Variants in SOHLH2 observed in about 807,000 individuals in gnomAD.
SOHLH2 encodes the protein spermatogenesis- and oogenesis-specific basic helix-loop-helix-containing protein 2.
Under a neutral mutation model 50.4 loss-of-function variants are expected in SOHLH2, and 22 were observed. The observed-to-expected ratio is 0.44, with a 90% CI of 0.31 to 0.62. The LOEUF (loss-of-function observed/expected upper bound fraction) is 0.62. Among genes scored for constraint, SOHLH2 ranks in the 20% least tolerant of loss-of-function variants. The pLI, the probability that SOHLH2 is intolerant of heterozygous loss-of-function variation, is 0.08. For synonymous variants in SOHLH2, 185 were observed against 187.3 expected (o/e 0.99, Z 0.10); for missense variants, 412 against 504.4 (o/e 0.82, Z 1.76).
At chr13:36,198,120 AT>A (rs1887787781) in intron 2 of SOHLH2, among the ~76,000 whole-genome samples, 1 of 152,218 alleles carries the variant, frequency 6.6e-6, no homozygotes, top group Non-Finnish European at 1.5e-5. Context: ...TTAAAGCTAC[AT>A]GGGGAAGAAA....
intron 10 of SOHLH2, 77 bp downstream of exon 10, chr13:36,170,454 C>T (rs978308300): frequency 3.5e-5 from 53 of 1,521,572 alleles, no homozygotes; most frequent in Middle Eastern, 2.4e-4. Context: ...AGAGTAGCAA[C>T]AACAAATGCA....
At chr13:36,188,158 G>GGAC (rs1203611759) in intron 6 of SOHLH2, among the ~76,000 whole-genome samples, 1 of 152,180 alleles carries the variant, frequency 6.6e-6, no homozygotes, top group African/African-American at 2.4e-5. Flanking sequence ...CCTCCTGACT[G>GGAC]GACCATCCAC....
intron 6 of SOHLH2, among the ~76,000 whole-genome samples, chr13:36,188,942 A>C (rs1887501390): frequency 6.6e-6 from 1 of 152,196 alleles, no homozygotes; most frequent in Admixed American, 6.5e-5. Context: ...TCTGCACTCC[A>C]AGAGGTATTC....
Position 36,202,097 on chromosome 13 carries a change from A to C in SOHLH2, c.49-4T>G. 6.2e-7 allele frequency: 1 copy of C among 1,614,040 alleles called. No individual in the cohort carries two copies. The highest frequency in any genetic ancestry group is 8.5e-7 in the Non-Finnish European group (1 of 1,179,986). ...CTAATAAGATGTCTATTTTTGCCTGAAAGAGAAGGAAGCAGAGGCGTCACA... is the reference window on the plus strand; with the variant it reads ...CTAATAAGATGTCTATTTTTGCCTGCAAGAGAAGGAAGCAGAGGCGTCACA... On this transcript the variant is annotated splice_polypyrimidine_tract_variant and splice_region_variant and intron_variant, in intron 1 of 10. Coordinates refer to ENST00000379881, the MANE Select transcript of SOHLH2 (RefSeq NM_017826.3).
At chr13:36,213,688 C>T (rs983535310) in intron 1 of SOHLH2, among the ~76,000 whole-genome samples, 1 of 152,114 alleles carries the variant, frequency 6.6e-6, no homozygotes, top group Admixed American at 6.5e-5. Flanking sequence ...GAGAGGCCAG[C>T]GGGCTTTTTG....
At chr13:36,200,373 A>G (rs570920650) in intron 2 of SOHLH2, among the ~76,000 whole-genome samples, 1 of 152,192 alleles carries the variant, frequency 6.6e-6, no homozygotes, top group East Asian at 1.9e-4. Flanking sequence ...GTAGAAAGCC[A>G]AAAGAAATGC....
At chr13:36,195,110 C>T (rs538668665) in intron 2 of SOHLH2, among the ~76,000 whole-genome samples, 1 of 152,014 alleles carries the variant, frequency 6.6e-6, no homozygotes, top group South Asian at 2.1e-4. Flanking sequence ...AGACATTAAA[C>T]GAATCATTAT....
At chr13:36,193,783 T>A (rs1298029721) in intron 3 of SOHLH2, 23 bp downstream of exon 3, 11 of 1,603,130 alleles carry the variant, frequency 6.9e-6, no homozygotes, top group Non-Finnish European at 9.3e-6. Flanking sequence ...AAAAAACAAA[T>A]ACTATATTTA....
In SOHLH2 at chr13:36,187,678, C is replaced by T. The variant is rs77946531; in HGVS notation, c.641+2268G>A. 3.6e-3 allele frequency among the ~76,000 whole-genome samples: 554 copies of T among 152,274 alleles called. 15 individuals carry two copies. In the East Asian group the frequency reaches 0.082, roughly 23 times the overall value. ...GAACTTGCTCAACTTCCTCCCTGATCGGGCCCCATCGAAAAATTCATGTGA... is the reference window on the plus strand; with the variant it reads ...GAACTTGCTCAACTTCCTCCCTGATTGGGCCCCATCGAAAAATTCATGTGA... On this transcript the variant is annotated intron_variant, in intron 6 of 10. Transcript: ENST00000379881.
At chr13:36,172,756 G>C (rs1257856507) in intron 9 of SOHLH2, among the ~76,000 whole-genome samples, 1 of 152,188 alleles carries the variant, frequency 6.6e-6, no homozygotes, top group African/African-American at 2.4e-5. Context: ...GCAGGTGAGG[G>C]AGGAAGGACA....
At chr13:36,200,058 A>T (rs112879147) in intron 2 of SOHLH2, among the ~76,000 whole-genome samples, 42 of 152,188 alleles carry the variant, frequency 2.8e-4, no homozygotes, top group Admixed American at 4.6e-4. Flanking sequence ...TAGAGTTCTC[A>T]TCTAGTTTTG....
At chr13:36,170,462 G>A (rs1886930965) in intron 10 of SOHLH2, 69 bp downstream of exon 10, 10 of 1,535,066 alleles carry the variant, frequency 6.5e-6, no homozygotes, top group Non-Finnish European at 8.8e-6. Flanking sequence ...AACAACAAAT[G>A]CAGGTCAGGG....
intron 2 of SOHLH2, 147 bp downstream of exon 2, chr13:36,201,732 A>G: frequency 8.0e-7 from 1 of 1,248,094 alleles, no homozygotes; most frequent in South Asian, 1.6e-5. Flanking sequence ...GGCCTCTCAA[A>G]GTGCCAGGAT....
At chr13:36,208,117 A>G (rs545190370) in intron 1 of SOHLH2, among the ~76,000 whole-genome samples, 66 of 152,338 alleles carry the variant, frequency 4.3e-4, no homozygotes, top group African/African-American at 1.6e-3. Flanking sequence ...CATCACAGTA[A>G]TTAATAAATA....
rs1197445307 is a variant in SOHLH2, at chr13:36,214,547, G to A, written c.-21C>T. 8 of 1,607,908 alleles carry A rather than the reference G, an allele frequency of 5.0e-6. No homozygotes were observed. The highest frequency in any genetic ancestry group is 6.8e-6 in the Non-Finnish European group (8 of 1,177,670). On this transcript the variant is annotated 5_prime_UTR_variant, in exon 1 of 11. Coordinates refer to ENST00000379881, the MANE Select transcript of SOHLH2 (RefSeq NM_017826.3). Reference sequence around the variant, plus strand: ...GCCATGGCCGCTGCGCACGTGCTGGGTCCTGGGGCAGCCTCCCAGCAGGAG... The same window carrying A: ...GCCATGGCCGCTGCGCACGTGCTGGATCCTGGGGCAGCCTCCCAGCAGGAG...
chr13:36,196,097 A>AAGATAGATAGAT (rs35207535), intron 2 of SOHLH2, among the ~76,000 whole-genome samples: 14,894 of 145,612 alleles, frequency 0.1, 876 homozygotes, highest in African/African-American at 0.15. Context: ...GACAGACAGA[A>AAGATAGATAGAT]AGATAGATAG....
intron 1 of SOHLH2, among the ~76,000 whole-genome samples, chr13:36,210,640 T>C (rs77967248): frequency 0.02 from 3,118 of 152,156 alleles, 110 homozygotes; most frequent in African/African-American, 0.071. Flanking sequence ...GATGGGGAGG[T>C]TGACCTGTGT....
chr13:36,176,054 C>G (rs1255229456), intron 6 of SOHLH2, among the ~76,000 whole-genome samples: 2 of 152,110 alleles, frequency 1.3e-5, no homozygotes, highest in Non-Finnish European at 2.9e-5. Context: ...CTTAAGTAAG[C>G]TGCTGTACAT....
chr13:36,192,034 G>T, intron 4 of SOHLH2, 140 bp from the exon 5 acceptor site: 1 of 939,288 alleles, frequency 1.1e-6, no homozygotes, highest in Non-Finnish European at 1.6e-6. Context: ...AAAACTGAAA[G>T]CAATTTATAG....
Sources: gnomAD v4.1 joint callset for allele counts (sites outside exome capture counted in the v4.1 genomes callset) on GRCh38, gnomAD v4.1.1 for gene constraint, MANE v1.5 for transcripts, NCBI Gene and HGNC (gene_info 2026-07-23, HGNC 2026-07-21) for gene names.